The following NRG1 variants were observed in gnomAD, a reference collection of about 807,000 sequenced individuals.
NRG1 encodes pro-neuregulin-1, membrane-bound isoform.
NRG1 carries 18 observed loss-of-function variants against 63.8 expected under a neutral mutation model. The observed-to-expected ratio is 0.28, with a 90% CI of 0.19 to 0.42. The LOEUF (loss-of-function observed/expected upper bound fraction) is 0.42. Ranked by LOEUF, NRG1 falls within the 10% of genes least tolerant of loss-of-function variation. The pLI is 1.00. For synonymous variants in NRG1, 302 were observed against 301.3 expected (o/e 1.00, Z -0.02); for missense variants, 762 against 814.7 (o/e 0.94, Z 0.79).
At chr8:32,044,020 A>C (rs886826501) in intron 1 of NRG1, among the ~76,000 whole-genome samples, 5 of 151,918 alleles carry the variant, frequency 3.3e-5, no homozygotes, top group African/African-American at 9.7e-5. Context: ...CAGAATAAAT[A>C]AAGAAAAATG....
chr8:32,195,840 A>C (rs1563896574), intron 1 of NRG1, among the ~76,000 whole-genome samples: 1 of 152,148 alleles, frequency 6.6e-6, no homozygotes, highest in Non-Finnish European at 1.5e-5. Flanking sequence ...TATTCCCTTC[A>C]AAGCAGTTCA....
intron 1 of NRG1, among the ~76,000 whole-genome samples, chr8:31,734,197 G>A (rs895537882): frequency 1.3e-5 from 2 of 152,234 alleles, no homozygotes; most frequent in South Asian, 2.1e-4. Context: ...ATGGTGGCGC[G>A]TACCTATAGC....
intron 7 of NRG1, chr8:32,748,829 T>C (rs928533744): frequency 1.1e-5 from 4 of 351,532 alleles, no homozygotes; most frequent in East Asian, 2.1e-4. Flanking sequence ...CATACAGAAC[T>C]TATATGAGAA....
intron 7 of NRG1, among the ~76,000 whole-genome samples, chr8:32,745,021 G>A (rs531103289): frequency 6.6e-6 from 1 of 152,214 alleles, no homozygotes; most frequent in East Asian, 1.9e-4. Context: ...ATATGTAATG[G>A]CTGTGCAACA....
intron 1 of NRG1, among the ~76,000 whole-genome samples, chr8:32,291,201 G>A (rs1854156541): frequency 6.6e-6 from 1 of 152,100 alleles, no homozygotes; most frequent in African/African-American, 2.4e-5. Flanking sequence ...ATGAGGTAGG[G>A]CAATCTGTTT....
At chr8:32,577,615 C>T (rs62500220) in intron 1 of NRG1, among the ~76,000 whole-genome samples, 6,046 of 152,184 alleles carry the variant, frequency 0.04, 157 homozygotes, top group Non-Finnish European at 0.061. Flanking sequence ...TAACAATGAA[C>T]CTAATAAAAA....
intron 1 of NRG1, among the ~76,000 whole-genome samples, chr8:31,996,714 C>CAAAGA (rs757579811): frequency 7.3e-5 from 11 of 151,636 alleles, no homozygotes; most frequent in African/African-American, 1.7e-4. Flanking sequence ...ACCCTGTCTT[C>CAAAGA]AAAGAAAAGA....
At position 32,119,431 on chromosome 8, in the gene NRG1, A is replaced by G. The variant is rs1319946638; in HGVS notation, c.38-476397A>G. Among the ~76,000 whole-genome samples the G allele has an allele frequency of 2.0e-5, 3 of 151,988 alleles. No homozygotes were observed. In the East Asian group the frequency reaches 5.8e-4, roughly 29 times the overall value. On this transcript the variant is annotated intron_variant, in intron 1 of 10. Transcript: ENST00000519301. Reference sequence around the variant, plus strand: ...TTCTAGTAGTTTCCACCATTCCTGGACCTATTCTTTTCTAACTTTAAAGGC... The same window carrying G: ...TTCTAGTAGTTTCCACCATTCCTGGGCCTATTCTTTTCTAACTTTAAAGGC...
intron 4 of NRG1, among the ~76,000 whole-genome samples, chr8:32,616,397 A>T (rs1481560788): frequency 6.6e-6 from 1 of 151,994 alleles, no homozygotes; most frequent in African/African-American, 2.4e-5. Flanking sequence ...AATACTCTCA[A>T]TCTTGTTTGT....
chr8:32,194,154 GC>G (rs1176144937), intron 1 of NRG1, among the ~76,000 whole-genome samples: 3 of 152,194 alleles, frequency 2.0e-5, no homozygotes, highest in African/African-American at 7.2e-5. Context: ...AGAATCCAAA[GC>G]CCCTAGCTGT....
chr8:31,672,204 A>G (rs1304279085), intron 1 of NRG1, among the ~76,000 whole-genome samples: 1 of 152,108 alleles, frequency 6.6e-6, no homozygotes, highest in East Asian at 1.9e-4. Flanking sequence ...TACCTCAGCA[A>G]GCCTAATGTA....
chr8:32,017,911 G>C (rs1234172551), intron 1 of NRG1, among the ~76,000 whole-genome samples: 2 of 152,126 alleles, frequency 1.3e-5, no homozygotes. Flanking sequence ...CTTTCAGCCT[G>C]TCTCCCATCC....
intron 1 of NRG1, among the ~76,000 whole-genome samples, chr8:32,534,105 C>T (rs543057305): frequency 1.3e-5 from 2 of 152,054 alleles, no homozygotes; most frequent in South Asian, 4.2e-4. Flanking sequence ...TACTTCTTAC[C>T]CAGAAACCCT....
In NRG1 at chr8:32,748,327, ACGCGCG is replaced by A. The variant is rs111644131; in HGVS notation, c.691+5602_691+5607del. Among the ~76,000 whole-genome samples, 410 of 118,822 alleles carry A rather than the reference ACGCGCG, an allele frequency of 3.5e-3. 1 individual carries two copies. The highest frequency in any genetic ancestry group is 0.012 in the African/African-American group (389 of 33,102). 78.0% of individuals were successfully genotyped at this position (118,822 alleles called of 152,430 possible). On this transcript the variant is annotated intron_variant, in intron 7 of 11. Transcript: ENST00000356819. Reference sequence around the variant, plus strand: ...TGACCACACACATAGGCGCATGTACACGCGCGCGCGCGCACACACACACACACACAC... The same window carrying A: ...TGACCACACACATAGGCGCATGTACACGCGCGCACACACACACACACACAC...
At chr8:32,181,498 G>GTGAAT (rs1428823012) in intron 1 of NRG1, among the ~76,000 whole-genome samples, 1 of 152,138 alleles carries the variant, frequency 6.6e-6, no homozygotes, top group African/African-American at 2.4e-5. Flanking sequence ...TGTTTAATAA[G>GTGAAT]TGAATTAAAA....
At position 31,813,729 on chromosome 8, in the gene NRG1, GTTGTCC is replaced by G. The variant is rs1289443826; in HGVS notation, c.37+174299_37+174304del. On this transcript the variant is annotated intron_variant, in intron 1 of 10. Transcript: ENST00000519301. Reference sequence around the variant, plus strand: ...TTTTTGTCAAGACAAGGTTTGTCATGTTGTCCAGGCTGGTCTCGAACTCCTCGGCTC... The same window carrying G: ...TTTTTGTCAAGACAAGGTTTGTCATGAGGCTGGTCTCGAACTCCTCGGCTC... Among the ~76,000 whole-genome samples, 16 of 151,982 alleles carry G rather than the reference GTTGTCC, an allele frequency of 1.1e-4. 1 individual carries two copies. Among genetic ancestry groups the G allele is most frequent in the African/African-American group, 3.6e-4 (15 of 41,482 alleles).
intron 1 of NRG1, among the ~76,000 whole-genome samples, chr8:32,516,473 G>A (rs917683812): frequency 1.6e-4 from 25 of 152,122 alleles, no homozygotes; most frequent in Admixed American, 6.6e-5. Flanking sequence ...AAATGATGTT[G>A]GTAGTTTGGT....
chr8:32,217,269 G>T (rs1476803997), intron 1 of NRG1, among the ~76,000 whole-genome samples: 1 of 148,740 alleles, frequency 6.7e-6, no homozygotes, highest in African/African-American at 2.5e-5. Flanking sequence ...ATGAAAGCCT[G>T]CAGAGCCCAG....
At chr8:31,831,374 A>T (rs776107674) in intron 1 of NRG1, among the ~76,000 whole-genome samples, 20 of 152,070 alleles carry the variant, frequency 1.3e-4, no homozygotes, top group Admixed American at 9.2e-4. Context: ...AAGTGCTGGG[A>T]TTACAAATAT....
Sources: gnomAD v4.1 joint callset for allele counts (sites outside exome capture counted in the v4.1 genomes callset) on GRCh38, gnomAD v4.1.1 for gene constraint, MANE v1.5 for transcripts, NCBI Gene and HGNC (gene_info 2026-07-23, HGNC 2026-07-21) for gene names.